ENTREP2: variants seen among roughly 807,000 people sequenced by gnomAD.
ENTREP2 encodes the protein endosomal transmembrane epsin interactor 2.
the ENTREP2 span, among the ~76,000 whole-genome samples, chr15:29,587,663 C>CT: frequency 6.6e-6 from 1 of 152,014 alleles, no homozygotes; most frequent in Non-Finnish European, 1.5e-5. Context: ...GAGGAAGTGT[C>CT]TTTTTTTATT....
the ENTREP2 span, among the ~76,000 whole-genome samples, chr15:29,157,565 T>C: frequency 2.6e-5 from 4 of 152,184 alleles, no homozygotes; most frequent in Non-Finnish European, 5.9e-5. Context: ...TTCTAAAATG[T>C]CTTAAGGCTC....
chr15:29,529,692 T>C, the ENTREP2 span, among the ~76,000 whole-genome samples: 1 of 152,078 alleles, frequency 6.6e-6, no homozygotes, highest in Non-Finnish European at 1.5e-5. Context: ...AAGGGCACAA[T>C]GAACACACAC....
At chr15:29,330,894 T>C in the ENTREP2 span, among the ~76,000 whole-genome samples, 1 of 152,226 alleles carries the variant, frequency 6.6e-6, no homozygotes, top group Admixed American at 6.5e-5. Flanking sequence ...ATGAACTTTA[T>C]TTAAAAATCC....
chr15:29,428,834 A>T, the ENTREP2 span, among the ~76,000 whole-genome samples: 1 of 152,312 alleles, frequency 6.6e-6, no homozygotes, highest in Non-Finnish European at 1.5e-5. Flanking sequence ...GTCATCCCTA[A>T]GGCTGGCCAA....
the ENTREP2 span, chr15:29,265,251 C>G: frequency 6.6e-6 from 1 of 152,218 alleles, no homozygotes; most frequent in East Asian, 1.9e-4. Context: ...GCTGTAACTG[C>G]TTCTTTTCAA....
At chr15:29,384,016 G>A in the ENTREP2 span, among the ~76,000 whole-genome samples, 4 of 152,068 alleles carry the variant, frequency 2.6e-5, no homozygotes, top group East Asian at 1.9e-4. Flanking sequence ...AATGTCTCTC[G>A]TGTCTCTCAG....
At chr15:29,537,475 A>G in the ENTREP2 span, among the ~76,000 whole-genome samples, 3 of 152,180 alleles carry the variant, frequency 2.0e-5, no homozygotes, top group South Asian at 2.1e-4. Flanking sequence ...AGTCTAATGT[A>G]GAGATTAAAC....
chr15:29,508,095 C>A, the ENTREP2 span, among the ~76,000 whole-genome samples: 1 of 152,138 alleles, frequency 6.6e-6, no homozygotes, highest in African/African-American at 2.4e-5. Flanking sequence ...GAAACAAAAA[C>A]TACAATCACA....
At chr15:29,370,409 T>C in the ENTREP2 span, among the ~76,000 whole-genome samples, 1 of 152,136 alleles carries the variant, frequency 6.6e-6, no homozygotes, top group Admixed American at 6.6e-5. Flanking sequence ...GGCTTAATCA[T>C]TCAAGAATAC....
the ENTREP2 span, among the ~76,000 whole-genome samples, chr15:29,448,354 C>A: frequency 9.2e-5 from 14 of 152,188 alleles, no homozygotes; most frequent in Admixed American, 2.0e-4. Context: ...TGGCAGATAT[C>A]TCCCAAACAT....
chr15:29,389,161 A>C, the ENTREP2 span, among the ~76,000 whole-genome samples: 1 of 152,116 alleles, frequency 6.6e-6, no homozygotes, highest in Admixed American at 6.5e-5. Context: ...CTATGAAAAA[A>C]AAAAAAAGAA....
the ENTREP2 span, among the ~76,000 whole-genome samples, chr15:29,674,262 G>GT: frequency 9.2e-5 from 14 of 151,658 alleles, no homozygotes; most frequent in South Asian, 8.4e-4. Flanking sequence ...GGGCAGAGTT[G>GT]TTTTTTTTGT....
At chr15:29,616,893 C>G in the ENTREP2 span, among the ~76,000 whole-genome samples, 2 of 151,948 alleles carry the variant, frequency 1.3e-5, no homozygotes, top group Non-Finnish European at 2.9e-5. Flanking sequence ...TGGCCCATCT[C>G]TACTAAAAAT....
the ENTREP2 span, among the ~76,000 whole-genome samples, chr15:29,452,258 C>T: frequency 6.6e-6 from 1 of 152,168 alleles, no homozygotes; most frequent in African/African-American, 2.4e-5. Flanking sequence ...CCTCACCCAC[C>T]CCCATCTCCC....
chr15:29,490,928 G>A, the ENTREP2 span, among the ~76,000 whole-genome samples: 1 of 152,208 alleles, frequency 6.6e-6, no homozygotes, highest in African/African-American at 2.4e-5. Flanking sequence ...AGGGGGTGAT[G>A]CCCCTCTGGG....
chr15:29,339,902 A>G, the ENTREP2 span, among the ~76,000 whole-genome samples: 1 of 152,276 alleles, frequency 6.6e-6, no homozygotes, highest in African/African-American at 2.4e-5. Flanking sequence ...GGCCATGGCC[A>G]TCCCTCCGCC....
chr15:29,557,523 T>C, the ENTREP2 span, among the ~76,000 whole-genome samples: 1 of 152,244 alleles, frequency 6.6e-6, no homozygotes, highest in South Asian at 2.1e-4. Context: ...TGAGAGCCCA[T>C]TCAAGAGACC....
the ENTREP2 span, among the ~76,000 whole-genome samples, chr15:29,216,919 A>G: frequency 0.067 from 10,176 of 152,296 alleles, 1,177 homozygotes; most frequent in African/African-American, 0.23. Flanking sequence ...TCCTTTATTT[A>G]AGCCGGCGGC....
the ENTREP2 span, among the ~76,000 whole-genome samples, chr15:29,251,223 C>T: frequency 6.6e-6 from 1 of 152,200 alleles, no homozygotes; most frequent in African/African-American, 2.4e-5. Flanking sequence ...AGGTAGCCTG[C>T]TATTGCTTCC....
Sources: gnomAD v4.1 joint callset for allele counts (sites outside exome capture counted in the v4.1 genomes callset) on GRCh38, gnomAD v4.1.1 for gene constraint, MANE v1.5 for transcripts, NCBI Gene and HGNC (gene_info 2026-07-23, HGNC 2026-07-21) for gene names.